Variants in GRK1 observed in about 807,000 individuals in gnomAD.
The protein encoded by GRK1 is rhodopsin kinase GRK1.
GRK1 carries 28 observed loss-of-function variants against 41.7 expected under a neutral mutation model. The observed-to-expected ratio is 0.67, with a 90% confidence interval of 0.50 to 0.92. GRK1 has a LOEUF of 0.92. Among genes scored for constraint, GRK1 ranks in the 40% least tolerant of loss-of-function variants. The pLI is 0.00. For missense variants in GRK1, 703 were observed against 671.2 expected, an observed-to-expected ratio of 1.05 and a Z score of -0.52; for synonymous variants, 327 against 286.7, an observed-to-expected ratio of 1.14 and a Z score of -1.42.
intron 4 of GRK1, among the ~76,000 whole-genome samples, chr13:113,727,997 T>TAAG (rs1555360705): frequency 1.3e-4 from 4 of 31,636 alleles, no homozygotes; most frequent in African/African-American, 1.1e-3. Context: ...CCCATGGCGA[T>TAAG]GAGTACCCAT....
the GRK1 span, chr13:113,650,561 T>C: frequency 6.8e-7 from 1 of 1,473,250 alleles, no homozygotes; most frequent in Admixed American, 1.9e-5. The surrounding 1 kb of genome is among the most constrained non-coding windows in gnomAD (Gnocchi z 5.0). Flanking sequence ...TGTGCCGGTG[T>C]CTGTGTGTTG....
At chr13:113,733,728 CGCGT>C (rs2049963985) in intron 6 of GRK1, among the ~76,000 whole-genome samples, 2 of 85,400 alleles carry the variant, frequency 2.3e-5, no homozygotes, top group African/African-American at 9.9e-5. Flanking sequence ...TGTGTGTGCG[CGCGT>C]GTGTATGTGT....
chr13:113,727,681 C>T (rs2049898922), intron 4 of GRK1, among the ~76,000 whole-genome samples: 1 of 131,692 alleles, frequency 7.6e-6, no homozygotes, highest in Non-Finnish European at 1.6e-5. Context: ...GAGGAGTACC[C>T]ATGGCGATGA....
chr13:113,652,865 GT>G, the GRK1 span: 1 of 1,613,916 alleles, frequency 6.2e-7, no homozygotes, highest in African/African-American at 1.3e-5. Flanking sequence ...GAGACCCTCA[GT>G]ACTCACCCTG....
chr13:113,655,236 G>A, the GRK1 span, among the ~76,000 whole-genome samples: 1 of 152,342 alleles, frequency 6.6e-6, no homozygotes, highest in South Asian at 2.1e-4. Flanking sequence ...GCCGCTGTTT[G>A]AGATGTGGCC....
At chr13:113,730,347 A>G (rs1284966952) in intron 4 of GRK1, among the ~76,000 whole-genome samples, 1 of 136,546 alleles carries the variant, frequency 7.3e-6, no homozygotes, top group Non-Finnish European at 1.6e-5. Flanking sequence ...AGCTGAGCCC[A>G]GACCCGCCCC....
chr13:113,729,903 C>T (rs967242276), intron 4 of GRK1, among the ~76,000 whole-genome samples: 9 of 145,656 alleles, frequency 6.2e-5, no homozygotes, highest in South Asian at 2.2e-4. Flanking sequence ...ACAGTCCCCG[C>T]GGCTGCACCC....
At position 113,668,001 on chromosome 13, in the gene GRK1, G is replaced by C. The variant is rs374154941; in HGVS notation, c.615G>C (p.Ser205=). The change falls in exon 1 of 7, where the codon TCG becomes TCC. Residue 205 remains serine, a synonymous_variant. Transcript: ENST00000335678. ...VLGKGGFGEV[S]ACQMKATGKL... The stretch of plus-strand genomic sequence containing the variant: ...GGAAAGGGGGCTTCGGGGAGGTGTC[G>C]GCCTGCCAGATGAAGGCGACCGGCA... 5.8e-5 allele frequency: 94 copies of C among 1,611,386 alleles called. No homozygotes were observed. The African/African-American group carries it at 1.0e-3, about 18-fold the overall frequency.
chr13:113,731,337 A>G lies in GRK1; in HGVS notation c.1188A>G (p.Gly396=), dbSNP rs1394787993. ...CCAGAGGACCCTTCCGAGCCCGTGG[A>G]GAGAAGGTAGGAGGCGGCCGGCAGG... ...IAARGPFRAR[G]EKVENKELKH... is the part of the protein sequence containing the mutation. Residue 396 remains glycine, a synonymous_variant, in exon 5 of 7, where the codon GGA becomes GGG. Coordinates refer to ENST00000335678, the MANE Select transcript of GRK1 (RefSeq NM_002929.3). This position sits in a 1 kb window ranked among gnomAD's most constrained non-coding sequence, Gnocchi z 5.6. 3.3e-6 allele frequency: 5 copies of G among 1,536,590 alleles called. No homozygotes were observed. The highest frequency in any genetic ancestry group is 4.4e-6 in the Non-Finnish European group (5 of 1,146,774).
At chr13:113,734,755 C>CGAGACCCTAGGG (rs2049990489) in intron 6 of GRK1, 1 of 249,058 alleles carries the variant, frequency 4.0e-6, no homozygotes, top group South Asian at 1.4e-4. Context: ...CGCTTCATGA[C>CGAGACCCTAGGG]GAGACCCTAG....
At chr13:113,658,891 G>C in the GRK1 span, among the ~76,000 whole-genome samples, 3 of 152,208 alleles carry the variant, frequency 2.0e-5, no homozygotes, top group Non-Finnish European at 4.4e-5. Context: ...GGAGCCCTGA[G>C]CATCTGTTGA....
chr13:113,672,204 TTGTGTGTGG>T (rs1384175870), intron 3 of GRK1, among the ~76,000 whole-genome samples: 4 of 150,106 alleles, frequency 2.7e-5, no homozygotes, highest in Non-Finnish European at 4.5e-5. Context: ...TGTGTGTGTG[TTGTGTGTGG>T]TGTGTGTGTG....
the GRK1 span, chr13:113,658,093 G>A: frequency 1.9e-6 from 3 of 1,612,532 alleles, no homozygotes; most frequent in Non-Finnish European, 2.5e-6. Flanking sequence ...CAGTAACGCT[G>A]GAACTCCTCC....
upstream of GRK1, among the ~76,000 whole-genome samples, chr13:113,663,035 A>T (rs1260990730): frequency 6.6e-6 from 1 of 152,126 alleles, no homozygotes; most frequent in Non-Finnish European, 1.5e-5. Flanking sequence ...ATTTTTTGAA[A>T]TTTTTTTTGA....
At chr13:113,733,777 A>ACGTGTGTG (rs2049966817) in intron 6 of GRK1, among the ~76,000 whole-genome samples, 1 of 72,860 alleles carries the variant, frequency 1.4e-5, no homozygotes, top group Non-Finnish European at 2.6e-5. Flanking sequence ...GTGTGTGCAT[A>ACGTGTGTG]CGTGTGTGCA....
chr13:113,651,927 G>C, the GRK1 span, among the ~76,000 whole-genome samples: 6 of 152,232 alleles, frequency 3.9e-5, no homozygotes, highest in East Asian at 1.2e-3. Flanking sequence ...CAGAGCCACA[G>C]CCCTCCCCCC....
chr13:113,651,773 C>T, the GRK1 span: 1 of 1,602,942 alleles, frequency 6.2e-7, no homozygotes, highest in South Asian at 1.1e-5. Flanking sequence ...CCCCCACCGC[C>T]ATGTGAGGTG....
chr13:113,665,719 C>T (rs867932092), upstream of GRK1, among the ~76,000 whole-genome samples: 4 of 146,064 alleles, frequency 2.7e-5, no homozygotes, highest in Non-Finnish European at 6.0e-5. Flanking sequence ...CAGGCATATC[C>T]CAGGTGTGCC....
At chr13:113,648,256 T>C in the GRK1 span, among the ~76,000 whole-genome samples, 8 of 152,272 alleles carry the variant, frequency 5.3e-5, no homozygotes, top group African/African-American at 1.9e-4. Context: ...TAAATTGATT[T>C]AGTTAACCTT....
Sources: allele counts gnomAD v4.1 joint callset (sites outside exome capture counted in the v4.1 genomes callset), GRCh38; gene constraint gnomAD v4.1.1; non-coding constraint Gnocchi (gnomAD v3.1); transcripts MANE v1.5; gene names NCBI Gene and HGNC (gene_info 2026-07-23, HGNC 2026-07-21).